MADD: variants seen among roughly 807,000 people sequenced by gnomAD.
The protein encoded by MADD is MAP kinase activating death domain, also known as MAP kinase-activating death domain protein.
In MADD, 109 loss-of-function variants were observed where a neutral mutation model predicts 176.7. The observed-to-expected ratio is 0.62, with a 90% CI of 0.53 to 0.72. MADD has a LOEUF of 0.72. Ranked by LOEUF, MADD falls within the 30% of genes least tolerant of loss-of-function variation. The pLI is 0.00. For missense variants in MADD, 1,914 were observed against 2,045.5 expected (o/e 0.94, Z 1.24); for synonymous variants, 771 against 771.3 (o/e 1.00, Z 0.01).
chr11:47,314,865 G>T (rs552759172), intron 26 of MADD, among the ~76,000 whole-genome samples: 208 of 151,716 alleles, frequency 1.4e-3, no homozygotes, highest in African/African-American at 4.8e-3. Context: ...CCTTTTTTTT[G>T]AAAATATAGT....
chr11:47,310,341 C>T (rs756532462), intron 25 of MADD, among the ~76,000 whole-genome samples: 1 of 151,588 alleles, frequency 6.6e-6, no homozygotes, highest in Non-Finnish European at 1.5e-5. Flanking sequence ...ACCACCATGC[C>T]TGGCTAATTT....
At chr11:47,275,048 A>G in exon 3 of MADD, 1 of 1,614,140 alleles carries the variant, frequency 6.2e-7, no homozygotes, top group Non-Finnish European at 8.5e-7. Flanking sequence ...CTCAGCCACT[A>G]CCCTTTCTTC....
At chr11:47,288,864 A>G (rs575864708) in intron 15 of MADD, 104 bp from the exon 16 acceptor site, 1 of 873,282 alleles carries the variant, frequency 1.1e-6, no homozygotes, top group African/African-American at 1.8e-5. Context: ...TGCATTCCTC[A>G]AGCTTTGGGA....
chr11:47,289,126 CAT>C (rs1312146836), intron 15 of MADD, 99 bp downstream of exon 16: 4 of 1,190,992 alleles, frequency 3.4e-6, no homozygotes, highest in South Asian at 1.5e-5. Flanking sequence ...AGCAGCGTCA[CAT>C]GAGTGACCTG....
chr11:47,281,018 A>G (rs2056156396), intron 7 of MADD, among the ~76,000 whole-genome samples: 1 of 152,186 alleles, frequency 6.6e-6, no homozygotes. Flanking sequence ...GGCATATTGA[A>G]TCGGGATCTG....
At chr11:47,286,821 A>G (rs1333940279) in intron 15 of MADD, among the ~76,000 whole-genome samples, 1 of 152,202 alleles carries the variant, frequency 6.6e-6, no homozygotes, top group Non-Finnish European at 1.5e-5. Context: ...CATAGGGATC[A>G]TCAGCTGCCC....
chr11:47,309,005 C>G, intron 23 of MADD: 2 of 1,614,070 alleles, frequency 1.2e-6, no homozygotes, highest in Non-Finnish European at 1.7e-6. Context: ...CCATGTGGGA[C>G]CAGTTAGAGG....
chr11:47,303,310 C>T (rs924919942), intron 22 of MADD, among the ~76,000 whole-genome samples: 47 of 143,456 alleles, frequency 3.3e-4, no homozygotes, highest in Non-Finnish European at 5.2e-4. Context: ...GGTGCAATCT[C>T]GGCTCACTGC....
intron 25 of MADD, 47 bp from the exon 29 acceptor site, chr11:47,311,685 G>C (rs370811356): frequency 2.6e-6 from 3 of 1,166,236 alleles, no homozygotes; most frequent in African/African-American, 3.0e-5. Context: ...TACCTCAGTC[G>C]GGAGGAGAGC....
At chr11:47,324,630 C>A in intron 30 of MADD, 53 bp downstream of exon 33, 6 of 1,237,954 alleles carry the variant, frequency 4.8e-6, no homozygotes, top group Non-Finnish European at 7.0e-6. Context: ...GTAAGAAGGA[C>A]CAATGTCCAA....
chr11:47,327,486 G>T (rs1164164662), intron 31 of MADD: 11 of 985,298 alleles, frequency 1.1e-5, no homozygotes, highest in Non-Finnish European at 1.3e-5. Flanking sequence ...CCAGGTCTCT[G>T]CCTTGGGCCC....
chr11:47,293,177 C>T (rs971228608), intron 19 of MADD, among the ~76,000 whole-genome samples: 4 of 152,100 alleles, frequency 2.6e-5, no homozygotes, highest in Admixed American at 6.6e-5. Context: ...TTTTCTACCT[C>T]CTTTAGACAC....
Position 47,321,218 on chromosome 11 carries a change from A to G in MADD, c.4198-2453A>G, listed in dbSNP as rs151177355. On this transcript the variant is annotated intron_variant, in intron 27 of 32. Transcript: ENST00000402192. ...CTAAATGTGTTCTGCCTGCCTTTAC[A>G]TGATGTTCTTAAAGGATTATGAAAG... is the stretch of plus-strand genomic sequence containing the variant. 5.8e-3 allele frequency among the ~76,000 whole-genome samples: 884 copies of G among 152,252 alleles called. 12 individuals carry two copies. Among genetic ancestry groups the G allele is most frequent in the African/African-American group, 0.02 (836 of 41,548 alleles).
At chr11:47,299,226 G>A (rs532069095) in intron 22 of MADD, among the ~76,000 whole-genome samples, 2 of 152,186 alleles carry the variant, frequency 1.3e-5, no homozygotes, top group African/African-American at 4.8e-5. Flanking sequence ...TATTTTGGTA[G>A]GGATTGCATT....
intron 1 of MADD, 29 bp from the exon 2 acceptor site, chr11:47,273,798 G>A: frequency 1.2e-6 from 1 of 827,386 alleles, no homozygotes; most frequent in African/African-American, 1.7e-5. Flanking sequence ...CACAGCAGTG[G>A]ATCTTATCAG....
chr11:47,282,897 G>A (rs780141097), exon 10 of MADD: 8 of 1,614,068 alleles, frequency 5.0e-6, no homozygotes, highest in Admixed American at 1.7e-5. Context: ...GTCTATGACA[G>A]CAATTCCCAG....
rs766388333 is a variant in MADD, at chr11:47,276,019, C to T, written c.780C>T (p.Pro260=). ...ATCGATTGCTGCGCTCCCCAGTACCCGTCTCTGGGCAGAAGCGAGTAGACA... is the reference window on the plus strand; with the variant it reads ...ATCGATTGCTGCGCTCCCCAGTACCTGTCTCTGGGCAGAAGCGAGTAGACA... The change falls in exon 4 of 33, where the codon CCC becomes CCT. Residue 260 remains proline, a synonymous_variant. Coordinates refer to ENST00000402192, the Ensembl canonical transcript of MADD. The T allele has an allele frequency of 6.8e-6, 11 of 1,614,078 alleles. No individual in the cohort carries two copies. The highest frequency in any genetic ancestry group is 4.5e-5 in the East Asian group (2 of 44,894).
Position 47,278,897 on chromosome 11 carries a change from T to G in MADD, c.1210-102T>G, listed in dbSNP as rs1185277199. On this transcript the variant is annotated intron_variant, in intron 6 of 32. Coordinates refer to ENST00000402192, the Ensembl canonical transcript of MADD. ...CAGTTATATAATGTATATTCGTTTA[T>G]ATAATAATAATGTATATACGTCCTC... The G allele has an allele frequency of 1.0e-5, 9 of 889,472 alleles. No individual in the cohort carries two copies. In the East Asian group the frequency reaches 2.2e-4, roughly 21 times the overall value. 55.1% of individuals were successfully genotyped at this position (889,472 alleles called of 1,614,324 possible).
At chr11:47,282,707 C>T in intron 9 of MADD, 91 bp downstream of exon 9, 2 of 1,583,722 alleles carry the variant, frequency 1.3e-6, no homozygotes, top group Non-Finnish European at 1.7e-6. Context: ...TTGACCTGTG[C>T]CTTCTATCCT....
Sources: gnomAD v4.1 joint callset for allele counts (sites outside exome capture counted in the v4.1 genomes callset) on GRCh38, gnomAD v4.1.1 for gene constraint, MANE v1.5 for transcripts, NCBI Gene and HGNC (gene_info 2026-07-23, HGNC 2026-07-21) for gene names.